Variants in NPR3 observed in about 807,000 individuals in gnomAD.
The protein encoded by NPR3 is atrial natriuretic peptide receptor 3.
Under a neutral mutation model 54.5 loss-of-function variants are expected in NPR3, and 34 were observed. The observed-to-expected ratio is 0.62, with a 90% confidence interval of 0.47 to 0.83. The LOEUF (loss-of-function observed/expected upper bound fraction) is 0.83. Among genes scored for constraint, NPR3 ranks in the 40% least tolerant of loss-of-function variants. NPR3 has a pLI of 0.00. For synonymous variants in NPR3, 289 were observed against 297.1 expected (o/e 0.97, Z 0.28); for missense variants, 674 against 720.8 (o/e 0.94, Z 0.74).
upstream of NPR3, chr5:32,710,789 A>C: frequency 6.5e-7 from 1 of 1,534,460 alleles, no homozygotes; most frequent in Non-Finnish European, 8.8e-7. Flanking sequence ...GAAAGGTGAG[A>C]GCAAGCGGCA....
intron 2 of NPR3, among the ~76,000 whole-genome samples, chr5:32,737,845 C>T (rs781597622): frequency 6.6e-6 from 1 of 152,124 alleles, no homozygotes; most frequent in African/African-American, 2.4e-5. Flanking sequence ...TAAAGAGGCT[C>T]ATAGTACCCA....
chr5:32,708,911 CT>C (rs550658964), upstream of NPR3, among the ~76,000 whole-genome samples: 3,507 of 138,772 alleles, frequency 0.025, 109 homozygotes, highest in African/African-American at 0.074. Context: ...ATAACACTGG[CT>C]TTTTTTTTTT....
chr5:32,742,349 C>CTTCTTA (rs1740080127), intron 3 of NPR3, among the ~76,000 whole-genome samples: 2 of 151,964 alleles, frequency 1.3e-5, no homozygotes, highest in African/African-American at 2.4e-5. Flanking sequence ...AAGCTGGGCA[C>CTTCTTA]AGTGGTACAC....
chr5:32,737,416 G>A (rs897247421), intron 2 of NPR3, among the ~76,000 whole-genome samples: 3 of 152,186 alleles, frequency 2.0e-5, no homozygotes, highest in African/African-American at 7.2e-5. Context: ...AAATTCCAAA[G>A]CCACCAGGTC....
chr5:32,782,696 C>T (rs998595489), intron 5 of NPR3, among the ~76,000 whole-genome samples, 197 bp from the exon 6 acceptor site: 12 of 152,164 alleles, frequency 7.9e-5, no homozygotes, highest in African/African-American at 2.7e-4. Context: ...GTGTGGACAA[C>T]CGAGGAACGT....
intron 3 of NPR3, among the ~76,000 whole-genome samples, chr5:32,761,766 T>C (rs576991929): frequency 1.3e-5 from 2 of 151,960 alleles, no homozygotes; most frequent in Non-Finnish European, 2.9e-5. Context: ...TTTAGTTTTA[T>C]TTTTTATTTC....
intron 3 of NPR3, among the ~76,000 whole-genome samples, chr5:32,742,345 G>A (rs1422975580): frequency 2.0e-5 from 3 of 151,886 alleles, no homozygotes; most frequent in Admixed American, 6.6e-5. Flanking sequence ...TAAGAAGCTG[G>A]GCACAGTGGT....
chr5:32,765,710 A>G (rs1478112271), intron 3 of NPR3, among the ~76,000 whole-genome samples: 1 of 152,238 alleles, frequency 6.6e-6, no homozygotes, highest in Non-Finnish European at 1.5e-5. Flanking sequence ...TGGATGGTTC[A>G]GAGACGACTT....
upstream of NPR3, among the ~76,000 whole-genome samples, chr5:32,704,772 C>A (rs1459454710): frequency 6.6e-6 from 1 of 152,210 alleles, no homozygotes; most frequent in African/African-American, 2.4e-5. Flanking sequence ...CTGGCGTTTG[C>A]ACATGGCCCA....
At chr5:32,733,008 T>C (rs961176489) in intron 2 of NPR3, among the ~76,000 whole-genome samples, 22 of 151,990 alleles carry the variant, frequency 1.4e-4, no homozygotes, top group African/African-American at 4.8e-4. Context: ...CCACGCCGGC[T>C]TAATTTTTGT....
intron 3 of NPR3, among the ~76,000 whole-genome samples, chr5:32,739,512 G>C (rs1739933667): frequency 6.6e-6 from 1 of 152,162 alleles, no homozygotes; most frequent in East Asian, 1.9e-4. Context: ...TCTGCTTGTG[G>C]ATGGTGTTGT....
chr5:32,739,844 C>T (rs1053604409), intron 3 of NPR3, among the ~76,000 whole-genome samples: 1 of 152,168 alleles, frequency 6.6e-6, no homozygotes, highest in Non-Finnish European at 1.5e-5. Flanking sequence ...AAACTAATCA[C>T]TCTACAGCAT....
intron 1 of NPR3, among the ~76,000 whole-genome samples, chr5:32,692,702 T>C (rs1318979409): frequency 6.6e-6 from 1 of 152,248 alleles, no homozygotes; most frequent in East Asian, 1.9e-4. Flanking sequence ...TCTCACAACA[T>C]TGCACATCAT....
chr5:32,702,674 G>T lies in NPR3; in HGVS notation c.100+13488G>T, dbSNP rs113098171. ...TCCAGTCTGTCATTGTTGGACATTT[G>T]GTTTGGTTCCAAGTCTTTGCTATTG... On this transcript the variant is annotated intron_variant, in intron 1 of 5. Coordinates refer to the NPR3 transcript ENST00000509104. 4.6e-3 allele frequency among the ~76,000 whole-genome samples: 699 copies of T among 152,150 alleles called. 6 individuals carry two copies. Among genetic ancestry groups the T allele is most frequent in the African/African-American group, 0.016 (669 of 41,488 alleles).
intron 2 of NPR3, among the ~76,000 whole-genome samples, chr5:32,730,689 A>G (rs1313141587): frequency 6.6e-6 from 1 of 152,250 alleles, no homozygotes; most frequent in African/African-American, 2.4e-5. Context: ...ATGAACATGT[A>G]GATGCCAAAA....
intron 1 of NPR3, among the ~76,000 whole-genome samples, chr5:32,702,653 G>A (rs1737853774): frequency 6.6e-6 from 1 of 151,948 alleles, no homozygotes; most frequent in Non-Finnish European, 1.5e-5. Context: ...TCTTAATCCA[G>A]TCTGTCATTG....
intron 3 of NPR3, among the ~76,000 whole-genome samples, chr5:32,750,759 T>G (rs1020093674): frequency 1.3e-5 from 2 of 152,224 alleles, no homozygotes; most frequent in African/African-American, 4.8e-5. Flanking sequence ...TTGGTTATAG[T>G]TTCCTTCTAA....
At chr5:32,708,215 A>G (rs1343842465), upstream of NPR3, among the ~76,000 whole-genome samples, 2 of 152,094 alleles carry the variant, frequency 1.3e-5, no homozygotes, top group Non-Finnish European at 2.9e-5. Context: ...GAAAGGAAGC[A>G]CCTAGTAAAA....
chr5:32,743,832 G>A (rs529657327), intron 3 of NPR3, among the ~76,000 whole-genome samples: 1 of 152,136 alleles, frequency 6.6e-6, no homozygotes, highest in South Asian at 2.1e-4. Flanking sequence ...GTCTATCACT[G>A]GGGCTGTAAG....
Sources: allele counts gnomAD v4.1 joint callset (sites outside exome capture counted in the v4.1 genomes callset), GRCh38; gene constraint gnomAD v4.1.1; transcripts MANE v1.5; gene names NCBI Gene and HGNC (gene_info 2026-07-23, HGNC 2026-07-21).